The following GRIN2A variants were observed in gnomAD, a reference collection of about 807,000 sequenced individuals.
GRIN2A encodes the protein glutamate ionotropic receptor NMDA type subunit 2A, also known as glutamate receptor ionotropic, NMDA 2A.
A neutral mutation model predicts 113.4 loss-of-function variants in GRIN2A; 22 were observed. That is an observed-to-expected ratio of 0.19 (90% CI 0.14 to 0.28). The LOEUF (loss-of-function observed/expected upper bound fraction) is 0.28. Ranked by LOEUF, GRIN2A falls within the 10% of genes least tolerant of loss-of-function variation. GRIN2A has a pLI of 1.00. For synonymous variants in GRIN2A, 827 were observed against 738.4 expected, an observed-to-expected ratio of 1.12 and a Z score of -1.94; for missense variants, 1,502 against 1,887.0, an observed-to-expected ratio of 0.80 and a Z score of 3.78.
intron 2 of GRIN2A, among the ~76,000 whole-genome samples, chr16:10,034,659 T>G (rs1248841338): frequency 6.6e-6 from 1 of 151,304 alleles, no homozygotes; most frequent in African/African-American, 2.4e-5. Flanking sequence ...TCACTCATCT[T>G]TAATAGTCCC....
At chr16:9,822,148 C>T (rs986245890) in intron 10 of GRIN2A, 116 bp downstream of exon 10, 8 of 1,107,116 alleles carry the variant, frequency 7.2e-6, no homozygotes, top group Non-Finnish European at 1.1e-5. Flanking sequence ...ATCTGGACCA[C>T]AGTCACTCTC....
chr16:9,784,393 G>A (rs1902096911), intron 11 of GRIN2A, among the ~76,000 whole-genome samples: 1 of 148,126 alleles, frequency 6.8e-6, no homozygotes. Context: ...TCTCACCACT[G>A]CATTCCAGCC....
intron 10 of GRIN2A, among the ~76,000 whole-genome samples, chr16:9,799,540 CAT>C (rs1220870858): frequency 6.6e-6 from 1 of 152,220 alleles, no homozygotes; most frequent in Non-Finnish European, 1.5e-5. Flanking sequence ...GAAACCAAGA[CAT>C]AGTGCCAAAG....
intron 10 of GRIN2A, among the ~76,000 whole-genome samples, chr16:9,806,491 T>G (rs1466944622): frequency 1.3e-5 from 2 of 152,200 alleles, no homozygotes; most frequent in African/African-American, 4.8e-5. Context: ...ATATTTATTT[T>G]TTTAGCTGAT....
chr16:10,092,937 C>G (rs559490907), intron 2 of GRIN2A, among the ~76,000 whole-genome samples: 2 of 149,900 alleles, frequency 1.3e-5, no homozygotes, highest in Non-Finnish European at 3.0e-5. Flanking sequence ...CTCCTGGGTT[C>G]AAGCAATTCT....
chr16:9,941,538 A>G (rs2044875852), intron 2 of GRIN2A, among the ~76,000 whole-genome samples: 1 of 152,206 alleles, frequency 6.6e-6, no homozygotes, highest in South Asian at 2.1e-4. Flanking sequence ...GCCAAACTTC[A>G]GCCCAAGCTG....
Position 9,762,905 on chromosome 16 carries a change from G to C in GRIN2A, c.*244C>G, listed in dbSNP as rs1341469318. 3.5e-6 allele frequency: 2 copies of C among 577,050 alleles called. No individual in the cohort carries two copies. Among genetic ancestry groups the C allele is most frequent in the African/African-American group, 3.7e-5 (2 of 53,494 alleles). The allele number at this position is 577,050 out of a possible 1,614,324, so 35.7% of individuals were successfully genotyped here. On this transcript the variant is annotated 3_prime_UTR_variant, in exon 13 of 13. Transcript: ENST00000330684. ...CCGGAGACTTGCCCTTATGTAGTTA[G>C]TTATTTTTGGTTAAGGACTCACCTA...
chr16:10,127,147 G>A (rs1035026717), intron 2 of GRIN2A, among the ~76,000 whole-genome samples: 3 of 151,952 alleles, frequency 2.0e-5, no homozygotes, highest in East Asian at 3.9e-4. Context: ...TGGGAGAAAC[G>A]CTTGAACCTG....
In GRIN2A at chr16:9,763,974, G is replaced by C. The variant is rs2141130893; in HGVS notation, c.3570C>G (p.His1190Gln). Reference protein sequence around the residue: ...NNDQYKLYSKHFTLKDKGSPH... With the variant: ...NNDQYKLYSKQFTLKDKGSPH... ...GGGAACCCTTGTCTTTCAAGGTGAAGTGCTTGGAGTAGAGTTTATACTGGT... is the reference window on the plus strand; with the variant it reads ...GGGAACCCTTGTCTTTCAAGGTGAACTGCTTGGAGTAGAGTTTATACTGGT... The change falls in exon 13 of 13, where the codon CAC becomes CAG. Residue 1190 changes from histidine to glutamine, a missense_variant. Physicochemically the swap from His to Gln is conservative, Grantham distance 24 (BLOSUM62 0). This residue lies in a region of GRIN2A where 832 missense variants were observed against 789.7 expected (regional missense o/e 1.05). Transcript: ENST00000330684. 1 of 1,614,164 alleles carries C rather than the reference G, an allele frequency of 6.2e-7. No individual in the cohort carries two copies. Among genetic ancestry groups the C allele is most frequent in the South Asian group, 1.1e-5 (1 of 91,084 alleles).
At chr16:9,976,650 G>A (rs561585850) in intron 2 of GRIN2A, among the ~76,000 whole-genome samples, 5 of 152,222 alleles carry the variant, frequency 3.3e-5, no homozygotes, top group South Asian at 2.1e-4. Context: ...TTTTTAACAC[G>A]ACTAATACCA....
At chr16:9,941,818 C>T (rs1042593172) in intron 2 of GRIN2A, among the ~76,000 whole-genome samples, 1 of 152,146 alleles carries the variant, frequency 6.6e-6, no homozygotes, top group African/African-American at 2.4e-5. Flanking sequence ...GGTGCTATCT[C>T]ATTTAATGCC....
chr16:10,039,024 G>T (rs1046984820), intron 2 of GRIN2A, among the ~76,000 whole-genome samples: 1 of 152,040 alleles, frequency 6.6e-6, no homozygotes, highest in African/African-American at 2.4e-5. Flanking sequence ...TTCACTGCGT[G>T]TTTACTTTAG....
At chr16:10,091,625 C>T (rs1000867743) in intron 2 of GRIN2A, among the ~76,000 whole-genome samples, 1 of 151,556 alleles carries the variant, frequency 6.6e-6, no homozygotes, top group Non-Finnish European at 1.5e-5. Context: ...TAGGCCCCAT[C>T]TCAAAAAAAT....
chr16:9,801,119 T>C (rs978149798), intron 10 of GRIN2A, among the ~76,000 whole-genome samples: 5 of 152,304 alleles, frequency 3.3e-5, no homozygotes, highest in African/African-American at 9.6e-5. Flanking sequence ...TATTCTAAGA[T>C]TGTGTGAGCC....
At chr16:9,803,603 C>G (rs780854387) in intron 10 of GRIN2A, among the ~76,000 whole-genome samples, 2 of 152,160 alleles carry the variant, frequency 1.3e-5, no homozygotes, top group Admixed American at 6.5e-5. Flanking sequence ...TTTTATGGAT[C>G]CTATAGGAGA....
intron 4 of GRIN2A, among the ~76,000 whole-genome samples, chr16:9,862,869 G>A (rs1054945139): frequency 9.2e-5 from 14 of 152,250 alleles, no homozygotes; most frequent in South Asian, 2.1e-4. Flanking sequence ...TGCAAGTTCC[G>A]TATCAGTCCG....
intron 2 of GRIN2A, among the ~76,000 whole-genome samples, chr16:10,060,895 G>T (rs761507488): frequency 2.6e-5 from 4 of 152,148 alleles, no homozygotes; most frequent in Non-Finnish European, 5.9e-5. Flanking sequence ...CTACCATATT[G>T]ATCAAAGTAT....
chr16:9,764,151 A>C lies in GRIN2A; in HGVS notation c.3393T>G (p.Asp1131Glu), dbSNP rs1900748818. The C allele has an allele frequency of 1.2e-6, 2 of 1,613,360 alleles. No homozygotes were observed. The highest frequency in any genetic ancestry group is 2.7e-5 in the African/African-American group (2 of 74,810). Residue 1131 changes from aspartate (D) to glutamate (E), a missense_variant, in exon 13 of 13, where the codon GAT becomes GAG. Coordinates refer to ENST00000330684, the MANE Select transcript of GRIN2A (RefSeq NM_001134407.3). ...DGEKEPGFHL[D>E]PPQFVENVTL... ...TCACATTTTCAACAAACTGGGGTGG[A>C]TCTAAGTGGAAACCAGGCTCCTTCT...
intron 2 of GRIN2A, among the ~76,000 whole-genome samples, chr16:10,053,040 T>TC (rs766533448): frequency 1.7e-5 from 2 of 118,004 alleles, no homozygotes; most frequent in Non-Finnish European, 3.5e-5. Flanking sequence ...AGAGCAAGAC[T>TC]CCATCTCAAA....
Sources: gnomAD v4.1 joint callset for allele counts (sites outside exome capture counted in the v4.1 genomes callset) on GRCh38, gnomAD v4.1.1 for gene constraint, gnomAD v4.1.1 regional missense constraint, MANE v1.5 for transcripts, NCBI Gene and HGNC (gene_info 2026-07-23, HGNC 2026-07-21) for gene names.